EFHC1: variants seen among roughly 807,000 people sequenced by gnomAD.
The protein encoded by EFHC1 is EF-hand domain-containing protein 1.
In EFHC1, 53 loss-of-function variants were observed where a neutral mutation model predicts 69.9. The ratio of observed to expected loss-of-function variants is 0.76; its 90% CI spans 0.61 to 0.95. EFHC1 has a LOEUF of 0.95. Among genes scored for constraint, EFHC1 ranks in the 40% least tolerant of loss-of-function variants. The probability of loss-of-function intolerance (pLI) is 0.00; values close to 1 mark genes in which losing one functional copy is unlikely to be tolerated. For synonymous variants in EFHC1, 256 were observed against 278.4 expected (o/e 0.92, Z 0.80); for missense variants, 739 against 798.7 (o/e 0.93, Z 0.90).
chr6:52,479,626 T>A lies in EFHC1; in HGVS notation c.1493-14T>A. The A allele has an allele frequency of 6.2e-7, 1 of 1,614,216 alleles. No individual in the cohort carries two copies. The highest frequency in any genetic ancestry group is 8.5e-7 in the Non-Finnish European group (1 of 1,180,020). ...AACATCACCAAGCTAAGTGTGTTGC[T>A]ACCTTCTCTCCAGTGTTTGGTCACC... On this transcript the variant is annotated splice_polypyrimidine_tract_variant and intron_variant, in intron 8 of 10. Coordinates refer to ENST00000371068, the MANE Select transcript of EFHC1 (RefSeq NM_018100.4).
rs749634021 is a variant in EFHC1, at chr6:52,479,099, C to T, written c.1341C>T (p.Asp447=). The T allele has an allele frequency of 6.2e-7, 1 of 1,614,148 alleles. No individual in the cohort carries two copies. Among genetic ancestry groups the T allele is most frequent in the South Asian group, 1.1e-5 (1 of 91,078 alleles). The change falls in exon 8 of 11, where the codon GAC becomes GAT. Residue 447 remains aspartate (D), a synonymous_variant. Coordinates refer to ENST00000371068, the MANE Select transcript of EFHC1 (RefSeq NM_018100.4). ...TCTTCTCTTACTTTCTAGCTACCGACATGATCAGTATCTTTGAGCCTCCTG... is the reference window on the plus strand; with the variant it reads ...TCTTCTCTTACTTTCTAGCTACCGATATGATCAGTATCTTTGAGCCTCCTG... The part of the protein sequence containing the change: ...RFVFSYFLAT[D]MISIFEPPVR...
At chr6:52,488,320 C>G (rs1765829045) in intron 9 of EFHC1, 1 of 152,082 alleles carries the variant, frequency 6.6e-6, no homozygotes, top group Non-Finnish European at 1.5e-5. Flanking sequence ...TGCCAGAGAG[C>G]ATTTAGATAT....
chr6:52,491,153 T>A (rs978186880), intron 10 of EFHC1, among the ~76,000 whole-genome samples: 1 of 151,878 alleles, frequency 6.6e-6, no homozygotes, highest in African/African-American at 2.4e-5. Context: ...AGGGAGTGAG[T>A]AGGAGGGCAG....
At chr6:52,475,693 ATATT>A (rs1765531331) in intron 7 of EFHC1, among the ~76,000 whole-genome samples, 1 of 152,222 alleles carries the variant, frequency 6.6e-6, no homozygotes, top group Admixed American at 6.5e-5. Flanking sequence ...TGCACAAACT[ATATT>A]TATATAGAAG....
At chr6:52,453,753 C>A (rs935246114) in intron 4 of EFHC1, 2 of 1,242,594 alleles carry the variant, frequency 1.6e-6, no homozygotes, top group Admixed American at 2.9e-5. Context: ...TCACATGTAC[C>A]TTTATTAATA....
chr6:52,495,648 G>A lies in EFHC1; in HGVS notation c.*3307G>A. The A allele has an allele frequency of 4.4e-6, 2 of 451,114 alleles. No homozygotes were observed. Among genetic ancestry groups the A allele is most frequent in the South Asian group, 3.1e-5 (2 of 64,288 alleles). The allele number at this position is 451,114 out of a possible 1,614,324, so 27.9% of individuals were successfully genotyped here. ...TCTGTTGCCAGACTGGAATGCGGTGGTGTGACCATAGCTCACTGCAGCCTC... is the reference window on the plus strand; with the variant it reads ...TCTGTTGCCAGACTGGAATGCGGTGATGTGACCATAGCTCACTGCAGCCTC... On this transcript the variant is annotated 3_prime_UTR_variant, in exon 11 of 11. Coordinates refer to ENST00000371068, the MANE Select transcript of EFHC1 (RefSeq NM_018100.4).
chr6:52,478,529 A>G (rs1050740742), intron 7 of EFHC1, among the ~76,000 whole-genome samples: 8 of 152,160 alleles, frequency 5.3e-5, no homozygotes, highest in Non-Finnish European at 7.4e-5. Context: ...TTTATTTTTT[A>G]CATTATGTAT....
rs1256868595 is a variant in EFHC1, at chr6:52,424,038, C to G, written c.156C>G (p.Leu52=). 1.2e-6 allele frequency: 2 copies of G among 1,614,156 alleles called. No homozygotes were observed. The highest frequency in any genetic ancestry group is 1.1e-5 in the South Asian group (1 of 91,080). The change falls in exon 2 of 11, where the codon CTC becomes CTG. Residue 52 remains leucine, a synonymous_variant. Transcript: ENST00000371068. The part of the protein sequence containing the change: ...RPTVGIGGDR[L]QFNQLSQAEL... ...CAGTTGGGATAGGCGGAGACCGGCTCCAGTTCAACCAGCTGTCCCAGGCTG... is the reference window on the plus strand; with the variant it reads ...CAGTTGGGATAGGCGGAGACCGGCTGCAGTTCAACCAGCTGTCCCAGGCTG...
At chr6:52,476,226 A>G (rs1765543212) in intron 7 of EFHC1, among the ~76,000 whole-genome samples, 1 of 152,236 alleles carries the variant, frequency 6.6e-6, no homozygotes, top group African/African-American at 2.4e-5. Context: ...AAAACCAACT[A>G]AAAGTTGGTC....
intron 7 of EFHC1, among the ~76,000 whole-genome samples, chr6:52,477,574 T>C (rs1211401807): frequency 6.6e-6 from 1 of 152,020 alleles, no homozygotes; most frequent in African/African-American, 2.4e-5. Flanking sequence ...CAAACAGATT[T>C]ACAAGAAAAA....
intron 9 of EFHC1, 142 bp from the exon 10 acceptor site, chr6:52,489,998 A>G: frequency 1.3e-6 from 1 of 780,928 alleles, no homozygotes; most frequent in Non-Finnish European, 2.1e-6. Flanking sequence ...GCCTGTGGGC[A>G]AGTGTTCAGT....
At chr6:52,485,016 T>G (rs1297085861) in intron 9 of EFHC1, among the ~76,000 whole-genome samples, 1 of 152,158 alleles carries the variant, frequency 6.6e-6, no homozygotes, top group Non-Finnish European at 1.5e-5. Context: ...AAATGCATGT[T>G]AATTCCACAG....
At chr6:52,462,783 G>A (rs1765198869) in intron 5 of EFHC1, among the ~76,000 whole-genome samples, 2 of 151,518 alleles carry the variant, frequency 1.3e-5, no homozygotes, top group Admixed American at 1.3e-4. Context: ...AGCTACTTAG[G>A]AGGCTGAGGC....
At chr6:52,462,885 C>CAAAA (rs777016070) in intron 5 of EFHC1, among the ~76,000 whole-genome samples, 25 of 85,416 alleles carry the variant, frequency 2.9e-4, no homozygotes, top group Admixed American at 2.1e-3. Context: ...AAGACTGTCT[C>CAAAA]AAAAAAAAAA....
At chr6:52,454,907 C>T (rs116429460) in intron 5 of EFHC1, among the ~76,000 whole-genome samples, 4,875 of 152,084 alleles carry the variant, frequency 0.032, 115 homozygotes, top group Non-Finnish European at 0.048. Context: ...GCCTGGGCAA[C>T]GTGATGAAAC....
intron 3 of EFHC1, among the ~76,000 whole-genome samples, chr6:52,443,003 T>C (rs983052715): frequency 2.0e-5 from 3 of 150,962 alleles, no homozygotes; most frequent in Non-Finnish European, 4.5e-5. Flanking sequence ...TGGCATGAGA[T>C]GTGTGGTTTT....
chr6:52,496,392 GC>G lies in EFHC1; in HGVS notation c.*4053del, dbSNP rs1766062690. 1 of 152,236 alleles carries G rather than the reference GC, an allele frequency of 6.6e-6. No homozygotes were observed. Among genetic ancestry groups the G allele is most frequent in the Non-Finnish European group, 1.5e-5 (1 of 68,122 alleles). 9.4% of individuals were successfully genotyped at this position (152,236 alleles called of 1,614,324 possible). A position where few individuals can be genotyped will look rare whatever the true frequency, so the allele number is the denominator to read the frequency against. On this transcript the variant is annotated 3_prime_UTR_variant, in exon 11 of 11. Transcript: ENST00000371068. Reference sequence around the variant, plus strand: ...AGTTAGCCACTACTCAGAAACCTGGGCCTGTACCTTGTCTGCACCATCAGGG... The same window carrying G: ...AGTTAGCCACTACTCAGAAACCTGGGCTGTACCTTGTCTGCACCATCAGGG...
At chr6:52,422,161 G>C (rs918661570) in intron 1 of EFHC1, among the ~76,000 whole-genome samples, 12 of 152,144 alleles carry the variant, frequency 7.9e-5, no homozygotes, top group African/African-American at 2.7e-4. Flanking sequence ...CACACAGAAG[G>C]TGAACCATAA....
At position 52,492,907 on chromosome 6, in the gene EFHC1, G is replaced by C. The variant is rs1765942288; in HGVS notation, c.*566G>C. ...GCTGGGATTATAGGCATGAGCCACTGTGCCCAGCCTCAGATATTTCATTAT... is the reference window on the plus strand; with the variant it reads ...GCTGGGATTATAGGCATGAGCCACTCTGCCCAGCCTCAGATATTTCATTAT... On this transcript the variant is annotated 3_prime_UTR_variant, in exon 11 of 11. Coordinates refer to ENST00000371068, the MANE Select transcript of EFHC1 (RefSeq NM_018100.4). The C allele has an allele frequency of 2.2e-6, 1 of 453,950 alleles. No homozygotes were observed. The highest frequency in any genetic ancestry group is 4.4e-6 in the Non-Finnish European group (1 of 226,786). 28.1% of individuals were successfully genotyped at this position (453,950 alleles called of 1,614,324 possible).
Sources: allele counts gnomAD v4.1 joint callset (sites outside exome capture counted in the v4.1 genomes callset), GRCh38; gene constraint gnomAD v4.1.1; transcripts MANE v1.5; gene names NCBI Gene and HGNC (gene_info 2026-07-23, HGNC 2026-07-21).